Variants in SCFD2 observed in about 807,000 individuals in gnomAD.
SCFD2 encodes the protein sec1 family domain containing 2, also known as sec1 family domain-containing protein 2.
A neutral mutation model predicts 58.9 loss-of-function variants in SCFD2; 54 were observed. That is an observed-to-expected ratio of 0.92 (90% CI 0.74 to 1.15). SCFD2 has a LOEUF of 1.15. Among genes scored for constraint, SCFD2 ranks in the 50% most tolerant of loss-of-function variants. SCFD2 has a pLI of 0.00. For missense variants in SCFD2, 805 were observed against 836.6 expected (o/e 0.96, Z 0.47); for synonymous variants, 321 against 335.9 (o/e 0.96, Z 0.49).
chr4:53,037,466 G>A (rs1352778743), intron 5 of SCFD2, among the ~76,000 whole-genome samples: 2 of 151,936 alleles, frequency 1.3e-5, no homozygotes, highest in African/African-American at 4.8e-5. Flanking sequence ...AAAATCTTAT[G>A]TCTCAAGCTG....
rs549942173 is a variant in SCFD2, at chr4:53,202,593, T to C, written c.1312-57011A>G. On this transcript the variant is annotated intron_variant, in intron 4 of 8. Transcript: ENST00000401642. ...CATTGGTAGCTAGATGGGGATGGCA[T>C]TGAATCTGTAAATTACCTTGGGCAG... 2.8e-3 allele frequency among the ~76,000 whole-genome samples: 433 copies of C among 152,308 alleles called. 2 individuals are homozygous for C. The highest frequency in any genetic ancestry group is 9.9e-3 in the African/African-American group (410 of 41,544).
chr4:52,960,444 C>T (rs1408844523), intron 5 of SCFD2, among the ~76,000 whole-genome samples: 1 of 151,806 alleles, frequency 6.6e-6, no homozygotes, highest in East Asian at 1.9e-4. Context: ...TCTTGGCTCA[C>T]CACAACCTCC....
chr4:53,347,980 A>T (rs1463131924), intron 2 of SCFD2, among the ~76,000 whole-genome samples: 1 of 152,238 alleles, frequency 6.6e-6, no homozygotes, highest in Non-Finnish European at 1.5e-5. Flanking sequence ...ATGGTTAGAG[A>T]TAGTGGAGCC....
chr4:53,197,446 C>CCATT (rs1475709762), intron 4 of SCFD2, among the ~76,000 whole-genome samples: 8 of 151,896 alleles, frequency 5.3e-5, no homozygotes, highest in Non-Finnish European at 8.8e-5. Flanking sequence ...GGAAAAAGGG[C>CCATT]CATTATTCAT....
At chr4:52,945,311 T>C (rs980823171) in intron 5 of SCFD2, among the ~76,000 whole-genome samples, 2 of 152,110 alleles carry the variant, frequency 1.3e-5, no homozygotes, top group African/African-American at 4.8e-5. Flanking sequence ...CTTATTTAAT[T>C]ATATATTTAA....
intron 5 of SCFD2, among the ~76,000 whole-genome samples, chr4:52,970,183 T>G (rs951380044): frequency 6.6e-6 from 1 of 152,132 alleles, no homozygotes; most frequent in Non-Finnish European, 1.5e-5. Flanking sequence ...GGACAGTGGG[T>G]GCAGCATACC....
chr4:52,900,452 A>C (rs893768389), intron 7 of SCFD2, among the ~76,000 whole-genome samples: 5 of 152,150 alleles, frequency 3.3e-5, no homozygotes, highest in African/African-American at 1.2e-4. Context: ...GCTGCAGAAC[A>C]GTGGATATTG....
intron 5 of SCFD2, among the ~76,000 whole-genome samples, chr4:52,926,688 T>A (rs979246714): frequency 1.1e-4 from 17 of 152,126 alleles, no homozygotes; most frequent in Non-Finnish European, 2.1e-4. Context: ...TTTGAGAACC[T>A]CAGGCCCACT....
intron 4 of SCFD2, among the ~76,000 whole-genome samples, chr4:53,151,021 C>T (rs551465492): frequency 7.9e-5 from 12 of 152,268 alleles, no homozygotes; most frequent in Non-Finnish European, 1.2e-4. Flanking sequence ...ATTACTACCA[C>T]GACTCCCACC....
At chr4:53,269,202 G>A (rs1196921729) in intron 4 of SCFD2, among the ~76,000 whole-genome samples, 1 of 152,160 alleles carries the variant, frequency 6.6e-6, no homozygotes, top group East Asian at 1.9e-4. Flanking sequence ...GTGCATTCCT[G>A]TAGTCCCAGC....
chr4:53,166,259 G>C (rs1390339273), intron 4 of SCFD2, among the ~76,000 whole-genome samples: 1 of 152,174 alleles, frequency 6.6e-6, no homozygotes, highest in Non-Finnish European at 1.5e-5. Context: ...TCTTTATAAA[G>C]AGGTAGAGAT....
intron 4 of SCFD2, among the ~76,000 whole-genome samples, chr4:53,244,583 C>G (rs1303346221): frequency 6.6e-6 from 1 of 152,092 alleles, no homozygotes; most frequent in Non-Finnish European, 1.5e-5. Context: ...CTGTGGGACA[C>G]AGCTAAGGCA....
rs191648748 is a variant in SCFD2 at position 53,297,200 on chromosome 4, T to A, written c.1135+16436A>T. On this transcript the variant is annotated intron_variant, in intron 3 of 8. Transcript: ENST00000401642. ...CCATCTCCTAAATATCCTTGTGAAT[T>A]TTCTGTTTCATTGATCTGTCTAATA... 1.0e-3 allele frequency among the ~76,000 whole-genome samples: 152 copies of A among 152,302 alleles called. 1 individual carries two copies. The highest frequency in any genetic ancestry group is 3.5e-3 in the African/African-American group (146 of 41,556).
At chr4:52,983,698 C>A (rs1721426819) in intron 5 of SCFD2, among the ~76,000 whole-genome samples, 1 of 152,102 alleles carries the variant, frequency 6.6e-6, no homozygotes, top group South Asian at 2.1e-4. Flanking sequence ...ATTTATAGAA[C>A]CTAACAATTC....
rs568731055 is a variant in SCFD2 at position 53,235,630 on chromosome 4, T to C, written c.1311+38196A>G. ...GAAGTCCTCCTTGAGAAGCCCACAATTGAGTTTTGATCTGAGCCAGCTATG... is the reference window on the plus strand; with the variant it reads ...GAAGTCCTCCTTGAGAAGCCCACAACTGAGTTTTGATCTGAGCCAGCTATG... On this transcript the variant is annotated intron_variant, in intron 4 of 8. Transcript: ENST00000401642. Among the ~76,000 whole-genome samples, 6 of 152,328 alleles carry C rather than the reference T, an allele frequency of 3.9e-5. No homozygotes were observed. In the South Asian group the frequency reaches 6.2e-4, roughly 16 times the overall value.
At chr4:53,103,886 ACAATATGAGCT>A (rs1724907353) in intron 5 of SCFD2, among the ~76,000 whole-genome samples, 1 of 145,232 alleles carries the variant, frequency 6.9e-6, no homozygotes. Flanking sequence ...CAAAGCTGGA[ACAATATGAGCT>A]AAAAAAAAAA....
chr4:52,977,195 A>G (rs1018258536), intron 5 of SCFD2, among the ~76,000 whole-genome samples: 1 of 152,182 alleles, frequency 6.6e-6, no homozygotes, highest in Non-Finnish European at 1.5e-5. Context: ...GAAGTTGTAC[A>G]TAACTGATGA....
intron 4 of SCFD2, among the ~76,000 whole-genome samples, chr4:53,251,627 A>G (rs946708956): frequency 6.6e-5 from 10 of 152,222 alleles, no homozygotes; most frequent in African/African-American, 2.4e-4. Flanking sequence ...AACCAAAGAA[A>G]AAAACCACAT....
intron 5 of SCFD2, among the ~76,000 whole-genome samples, chr4:52,965,782 C>G (rs563816803): frequency 6.6e-6 from 1 of 152,200 alleles, no homozygotes; most frequent in Non-Finnish European, 1.5e-5. Context: ...ATAGAAGGAG[C>G]CTAGGAGCTC....
Sources: gnomAD v4.1 joint callset for allele counts (sites outside exome capture counted in the v4.1 genomes callset) on GRCh38, gnomAD v4.1.1 for gene constraint, MANE v1.5 for transcripts, NCBI Gene and HGNC (gene_info 2026-07-23, HGNC 2026-07-21) for gene names.